CNNM2: variants seen among roughly 807,000 people sequenced by gnomAD.
CNNM2 encodes metal transporter CNNM2.
Under a neutral mutation model 66.9 loss-of-function variants are expected in CNNM2, and 12 were observed. The ratio of observed to expected loss-of-function variants is 0.18; its 90% CI spans 0.11 to 0.29. The LOEUF (loss-of-function observed/expected upper bound fraction) is 0.29, where lower values mean the gene tolerates loss of function less well. CNNM2 is among the 10% of genes least tolerant of loss of function. The pLI is 1.00. For missense variants in CNNM2, 705 were observed against 1,167.7 expected, an observed-to-expected ratio of 0.60 and a Z score of 5.77; for synonymous variants, 557 against 501.8, an observed-to-expected ratio of 1.11 and a Z score of -1.47.
At chr10:102,949,221 G>A (rs772139993) in intron 1 of CNNM2, among the ~76,000 whole-genome samples, 3 of 152,126 alleles carry the variant, frequency 2.0e-5, no homozygotes, top group Non-Finnish European at 4.4e-5. Context: ...TGTTGCCCAG[G>A]CTGGAGTGCA....
At chr10:103,022,807 G>C (rs2064613119) in intron 1 of CNNM2, among the ~76,000 whole-genome samples, 1 of 152,172 alleles carries the variant, frequency 6.6e-6, no homozygotes, top group South Asian at 2.1e-4. Flanking sequence ...TCCTGGTGAG[G>C]GTCTCAGGAA....
chr10:102,932,612 C>T (rs560985694), intron 1 of CNNM2, among the ~76,000 whole-genome samples: 10 of 152,164 alleles, frequency 6.6e-5, no homozygotes, highest in Admixed American at 6.6e-4. Flanking sequence ...ATTGTCTTGA[C>T]ATACTTGTCA....
At chr10:102,947,674 C>A (rs1354443193) in intron 1 of CNNM2, among the ~76,000 whole-genome samples, 2 of 152,098 alleles carry the variant, frequency 1.3e-5, no homozygotes, top group Non-Finnish European at 2.9e-5. Flanking sequence ...TCACTTGAGT[C>A]TGGGAGATGG....
intron 1 of CNNM2, among the ~76,000 whole-genome samples, chr10:102,987,738 G>A (rs886879001): frequency 6.6e-6 from 1 of 152,138 alleles, no homozygotes; most frequent in Admixed American, 6.5e-5. Context: ...GTCAAAAATG[G>A]TTTGCAACCT....
intron 4 of CNNM2, among the ~76,000 whole-genome samples, chr10:103,058,665 A>G (rs1490266547): frequency 6.6e-6 from 1 of 152,236 alleles, no homozygotes; most frequent in African/African-American, 2.4e-5. Flanking sequence ...AAATACTTAT[A>G]TAAAGGTGAC....
At chr10:103,035,650 C>G (rs2064923213) in intron 1 of CNNM2, among the ~76,000 whole-genome samples, 1 of 152,174 alleles carries the variant, frequency 6.6e-6, no homozygotes, top group Non-Finnish European at 1.5e-5. Context: ...TTAATTGCCT[C>G]ACTTTGGGTT....
chr10:102,922,651 A>G (rs1349575623), intron 1 of CNNM2, among the ~76,000 whole-genome samples: 1 of 152,170 alleles, frequency 6.6e-6, no homozygotes, highest in South Asian at 2.1e-4. Context: ...ATTGAAAATT[A>G]TCCTTTTGGC....
At chr10:102,928,932 G>A (rs1845971054) in intron 1 of CNNM2, among the ~76,000 whole-genome samples, 3 of 152,208 alleles carry the variant, frequency 2.0e-5, no homozygotes, top group Non-Finnish European at 4.4e-5. Flanking sequence ...TTTAGCGTGT[G>A]TCCTTATAAT....
intron 1 of CNNM2, among the ~76,000 whole-genome samples, chr10:102,964,910 A>G (rs994792737): frequency 5.3e-5 from 8 of 152,108 alleles, no homozygotes; most frequent in African/African-American, 1.9e-4. Context: ...CTTCTCCCTC[A>G]TGAAAGTGAT....
rs986954489 is a variant in CNNM2 at position 103,085,367 on chromosome 10, A to G, written c.*8187A>G. ...GAGAACACTCTCTCAAAGACTGGACACTGAGTAAACATTTTTCAGTGTGGG... is the reference window on the plus strand; with the variant it reads ...GAGAACACTCTCTCAAAGACTGGACGCTGAGTAAACATTTTTCAGTGTGGG... On this transcript the variant is annotated 3_prime_UTR_variant, in exon 8 of 8. Transcript: ENST00000369878. 5.3e-5 allele frequency: 8 copies of G among 152,368 alleles called. No individual in the cohort carries two copies. The highest frequency in any genetic ancestry group is 7.3e-5 in the Non-Finnish European group (5 of 68,038). The allele number at this position is 152,368 out of a possible 1,614,324, so 9.4% of individuals were successfully genotyped here. A position where few individuals can be genotyped will look rare whatever the true frequency, so the allele number is the denominator to read the frequency against.
chr10:103,090,080 T>A lies in CNNM2; in HGVS notation c.*12900T>A, dbSNP rs1417006993. 1 of 500,514 alleles carries A rather than the reference T, an allele frequency of 2.0e-6. No homozygotes were observed. The highest frequency in any genetic ancestry group is 3.7e-5 in the Admixed American group (1 of 26,784). The allele number at this position is 500,514 out of a possible 1,614,324, so 31.0% of individuals were successfully genotyped here. ...AACTACTTATAGTTGCCTGTCTTCC[T>A]CTCTCCCTGCCCCTCAAAATGGTGC... On this transcript the variant is annotated 3_prime_UTR_variant, in exon 8 of 8. Transcript: ENST00000369878.
chr10:103,008,778 CAAAAAAAAAAAA>C (rs35992147), intron 1 of CNNM2, among the ~76,000 whole-genome samples: 6 of 105,750 alleles, frequency 5.7e-5, no homozygotes, highest in African/African-American at 2.2e-4. Context: ...GACCCTGTCT[CAAAAAAAAAAAA>C]AAAAAAAACC....
chr10:102,958,472 T>TG (rs1847132818), intron 1 of CNNM2, among the ~76,000 whole-genome samples: 2 of 115,512 alleles, frequency 1.7e-5, no homozygotes, highest in South Asian at 3.2e-4. Flanking sequence ...TTTTTTTTTT[T>TG]TTTTTTTTTT....
intron 1 of CNNM2, among the ~76,000 whole-genome samples, chr10:102,960,923 C>T (rs1212577547): frequency 2.8e-5 from 4 of 143,702 alleles, no homozygotes; most frequent in East Asian, 2.0e-4. Context: ...GACAGAGTTT[C>T]GCTCTTGTTG....
chr10:102,991,591 G>A (rs973027837), intron 1 of CNNM2, among the ~76,000 whole-genome samples: 3 of 151,984 alleles, frequency 2.0e-5, no homozygotes, highest in South Asian at 2.1e-4. Context: ...AAATTCCATC[G>A]TCTGAAGTAA....
intron 6 of CNNM2, among the ~76,000 whole-genome samples, chr10:103,072,884 G>A (rs187984090): frequency 3.2e-4 from 48 of 152,316 alleles, no homozygotes; most frequent in African/African-American, 1.0e-3. Context: ...ATGTGTTTGC[G>A]GACTAGGGCC....
At chr10:102,986,031 A>G (rs1211569396) in intron 1 of CNNM2, among the ~76,000 whole-genome samples, 1 of 152,172 alleles carries the variant, frequency 6.6e-6, no homozygotes, top group East Asian at 1.9e-4. Flanking sequence ...TGTCATGTTC[A>G]GTACCTGTTT....
rs1293542670 is a variant in CNNM2, at chr10:102,918,726, G to A, written c.246G>A (p.Thr82=). 6.3e-7 allele frequency: 1 copy of A among 1,576,056 alleles called. No homozygotes were observed. The highest frequency in any genetic ancestry group is 8.6e-7 in the Non-Finnish European group (1 of 1,161,704). ...TVIIGLRLED[T]NDVSFMEGGA... is the part of the protein sequence containing the mutation. ...TCATCGGGCTGCGACTGGAGGACAC[G>A]AACGACGTGTCGTTCATGGAAGGGG... The change falls in exon 1 of 8, where the codon ACG becomes ACA. Residue 82 remains threonine (T), a synonymous_variant. Coordinates refer to ENST00000369878, the MANE Select transcript of CNNM2 (RefSeq NM_017649.5). The surrounding 1 kb of genome is among the most constrained non-coding windows in gnomAD (Gnocchi z 4.1).
intron 1 of CNNM2, among the ~76,000 whole-genome samples, chr10:103,024,996 G>T (rs2064671827): frequency 6.6e-6 from 1 of 152,076 alleles, no homozygotes; most frequent in South Asian, 2.1e-4. Flanking sequence ...AATACTTTAG[G>T]TGGTACATAT....
Sources: allele counts gnomAD v4.1 joint callset (sites outside exome capture counted in the v4.1 genomes callset), GRCh38; gene constraint gnomAD v4.1.1; non-coding constraint Gnocchi (gnomAD v3.1); transcripts MANE v1.5; gene names NCBI Gene and HGNC (gene_info 2026-07-23, HGNC 2026-07-21).